ATRN: variants seen among roughly 807,000 people sequenced by gnomAD.
ATRN encodes attractin.
In ATRN, 54 loss-of-function variants were observed where a neutral mutation model predicts 178.7. The ratio of observed to expected loss-of-function variants is 0.30; its 90% CI spans 0.24 to 0.38. The LOEUF (loss-of-function observed/expected upper bound fraction) is 0.38. Among genes scored for constraint, ATRN ranks in the 10% least tolerant of loss-of-function variants. The pLI, the probability that ATRN is intolerant of heterozygous loss-of-function variation, is 1.00. For missense variants in ATRN, 1,443 were observed against 1,815.1 expected, an observed-to-expected ratio of 0.79 and a Z score of 3.73; for synonymous variants, 636 against 663.0, an observed-to-expected ratio of 0.96 and a Z score of 0.63.
chr20:3,623,601 G>A (rs2086913687), intron 24 of ATRN, among the ~76,000 whole-genome samples: 1 of 152,132 alleles, frequency 6.6e-6, no homozygotes, highest in Admixed American at 6.6e-5. Flanking sequence ...AGAATTGTCT[G>A]TACTGGGATT....
In ATRN at chr20:3,560,833, G is replaced by A. The variant is rs140498520; in HGVS notation, c.1375G>A (p.Val459Met). The change falls in exon 8 of 29, where the codon GTG becomes ATG. Residue 459 changes from valine (V) to methionine (M), a missense_variant. Around this residue, in one of 4 missense-constraint regions of ATRN, gnomAD observed 862 missense variants for 972.1 expected, o/e 0.89. Coordinates refer to ENST00000262919, the MANE Select transcript of ATRN (RefSeq NM_139321.3). ...AHIVTLKNGR[V>M]VMLVIFGHCP... ...CATTGTTACACTGAAGAATGGCCGA[G>A]TGGTCATGCTGGTCATCTTTGGTCA... 6.2e-7 allele frequency: 1 copy of A among 1,614,192 alleles called. No homozygotes were observed. Among genetic ancestry groups the A allele is most frequent in the Non-Finnish European group, 8.5e-7 (1 of 1,180,042 alleles).
At chr20:3,569,200 G>A (rs117861217) in intron 11 of ATRN, among the ~76,000 whole-genome samples, 1,992 of 152,274 alleles carry the variant, frequency 0.013, 23 homozygotes, top group Non-Finnish European at 0.021. Context: ...CTGAATGATA[G>A]GGATACATTC....
intron 18 of ATRN, among the ~76,000 whole-genome samples, chr20:3,589,200 A>T (rs541582662): frequency 9.9e-5 from 15 of 152,080 alleles, no homozygotes; most frequent in African/African-American, 3.6e-4. Flanking sequence ...GGGTTTTACC[A>T]TGTAGACCAG....
chr20:3,589,213 T>C lies in ATRN; in HGVS notation c.3185-1956T>C, dbSNP rs559679290. On this transcript the variant is annotated intron_variant, in intron 18 of 28. Coordinates refer to ENST00000262919, the MANE Select transcript of ATRN (RefSeq NM_139321.3). The stretch of plus-strand genomic sequence containing the variant: ...CAGGGTTTTACCATGTAGACCAGGA[T>C]GGTCTCGATCTCCTGACCTCGTGAT... 8.5e-5 allele frequency among the ~76,000 whole-genome samples: 13 copies of C among 152,220 alleles called. No individual in the cohort carries two copies. The East Asian group carries it at 2.5e-3, about 29-fold the overall frequency.
chr20:3,490,393 A>T, intron 1 of ATRN: 1 of 977,062 alleles, frequency 1.0e-6, no homozygotes, highest in Non-Finnish European at 1.7e-6. Context: ...CTTCCCAAAA[A>T]GTTCATTCTG....
In ATRN at chr20:3,471,472, C is replaced by G. The variant is rs1010752314; in HGVS notation, c.365C>G (p.Ala122Gly). The G allele has an allele frequency of 7.1e-7, 1 of 1,413,148 alleles. No individual in the cohort carries two copies. The highest frequency in any genetic ancestry group is 9.2e-7 in the Non-Finnish European group (1 of 1,092,344). The allele number at this position is 1,413,148 out of a possible 1,614,324, so 87.5% of individuals were successfully genotyped here. The change falls in exon 1 of 29, where the codon GCC becomes GGC. Residue 122 changes from alanine (A) to glycine (G), a missense_variant. Transcript: ENST00000262919. Reference protein sequence around the residue: ...NPGTGQCVCPAGWVGEQCQHC... With the variant: ...NPGTGQCVCPGGWVGEQCQHC... The stretch of plus-strand genomic sequence containing the variant: ...GGCACCGGCCAGTGCGTCTGCCCCG[C>G]CGGCTGGGTGGGCGAGCAATGCCAG...
At chr20:3,599,817 TA>T (rs1252546739) in intron 22 of ATRN, among the ~76,000 whole-genome samples, 7 of 152,180 alleles carry the variant, frequency 4.6e-5, no homozygotes, top group African/African-American at 1.7e-4. Flanking sequence ...TACAAATAAG[TA>T]AACACTTGAG....
chr20:3,616,020 G>T, intron 24 of ATRN: 2 of 155,276 alleles, frequency 1.3e-5, no homozygotes, highest in Non-Finnish European at 2.8e-5. Context: ...TTGTGCACAT[G>T]TACCCTAAAA....
intron 24 of ATRN, among the ~76,000 whole-genome samples, chr20:3,619,835 G>A (rs1017694297): frequency 1.3e-5 from 2 of 152,142 alleles, no homozygotes; most frequent in African/African-American, 2.4e-5. Context: ...TGACTGCTGC[G>A]CCCGATTCCC....
chr20:3,497,524 G>C (rs1199955135), intron 1 of ATRN, among the ~76,000 whole-genome samples: 1 of 152,162 alleles, frequency 6.6e-6, no homozygotes, highest in East Asian at 1.9e-4. Flanking sequence ...TTTCTGCTGA[G>C]AGATCAGCTG....
In ATRN at chr20:3,647,968, G is replaced by C. The variant is rs535774898; in HGVS notation, c.*1121G>C. 6.6e-6 allele frequency: 1 copy of C among 152,110 alleles called. No homozygotes were observed. The highest frequency in any genetic ancestry group is 2.4e-5 in the African/African-American group (1 of 41,384). 9.4% of individuals were successfully genotyped at this position (152,110 alleles called of 1,614,324 possible). On this transcript the variant is annotated 3_prime_UTR_variant, in exon 29 of 29. Coordinates refer to ENST00000262919, the MANE Select transcript of ATRN (RefSeq NM_139321.3). ...AGAGGAAAGGACTCATTCATGTCAC[G>C]CTTCCTTGAGCAGAAAAGAGCACTG...
intron 23 of ATRN, among the ~76,000 whole-genome samples, chr20:3,603,407 A>G (rs140880733): frequency 2.8e-3 from 420 of 152,148 alleles, no homozygotes; most frequent in African/African-American, 9.7e-3. Flanking sequence ...CTGTATTTTC[A>G]TGATCATGTG....
In ATRN at chr20:3,584,196, G is replaced by A. The variant is rs1294258369; in HGVS notation, c.2950+113G>A. The A allele has an allele frequency of 1.1e-5, 13 of 1,197,288 alleles. No individual in the cohort carries two copies. The East Asian group carries it at 1.4e-4, about 13-fold the overall frequency. The allele number at this position is 1,197,288 out of a possible 1,614,324, so 74.2% of individuals were successfully genotyped here. On this transcript the variant is annotated intron_variant, in intron 17 of 28. Transcript: ENST00000262919. ...ACATTTTAGAAACAAGACTGGACATGACCTCTGCTCAAACCTGACCAGAGA... is the reference window on the plus strand; with the variant it reads ...ACATTTTAGAAACAAGACTGGACATAACCTCTGCTCAAACCTGACCAGAGA...
intron 22 of ATRN, 51 bp downstream of exon 22, chr20:3,598,051 T>C (rs765122802): frequency 1.6e-6 from 2 of 1,245,734 alleles, no homozygotes; most frequent in Non-Finnish European, 2.4e-6. Flanking sequence ...TATGGATCTT[T>C]TTCTTGGTCA....
At position 3,649,083 on chromosome 20, in the gene ATRN, G is replaced by A. The variant is rs945069905; in HGVS notation, c.*2236G>A. 4 of 152,196 alleles carry A rather than the reference G, an allele frequency of 2.6e-5. No individual in the cohort carries two copies. Among genetic ancestry groups the A allele is most frequent in the African/African-American group, 9.7e-5 (4 of 41,432 alleles). 9.4% of individuals were successfully genotyped at this position (152,196 alleles called of 1,614,324 possible). ...AAGTGAAGTTTCATTCTGCTCCAGC[G>A]GTGGGGAAGCCGCTGAATCCACCTG... On this transcript the variant is annotated 3_prime_UTR_variant, in exon 29 of 29. Coordinates refer to ENST00000262919, the MANE Select transcript of ATRN (RefSeq NM_139321.3).
At chr20:3,536,590 G>A (rs548160190) in intron 2 of ATRN, among the ~76,000 whole-genome samples, 37 of 150,412 alleles carry the variant, frequency 2.5e-4, no homozygotes, top group Non-Finnish European at 5.9e-5. Flanking sequence ...TCATTTAAAA[G>A]CAACAATTAT....
At chr20:3,527,203 G>C (rs1336410247) in intron 1 of ATRN, among the ~76,000 whole-genome samples, 1 of 151,968 alleles carries the variant, frequency 6.6e-6, no homozygotes, top group African/African-American at 2.4e-5. Flanking sequence ...CTAATACCCA[G>C]AATCTACAAA....
intron 1 of ATRN, among the ~76,000 whole-genome samples, chr20:3,523,446 G>A (rs150129057): frequency 4.5e-4 from 68 of 152,284 alleles, no homozygotes; most frequent in African/African-American, 1.4e-3. Context: ...TTTGATTGGT[G>A]TACCTGAAAG....
chr20:3,517,979 C>G (rs866646325), intron 1 of ATRN, among the ~76,000 whole-genome samples: 1 of 152,184 alleles, frequency 6.6e-6, no homozygotes, highest in Non-Finnish European at 1.5e-5. Context: ...TGAAGCATTG[C>G]TACTTATCTA....
Sources: gnomAD v4.1 joint callset for allele counts (sites outside exome capture counted in the v4.1 genomes callset) on GRCh38, gnomAD v4.1.1 for gene constraint, gnomAD v4.1.1 regional missense constraint, MANE v1.5 for transcripts, NCBI Gene and HGNC (gene_info 2026-07-23, HGNC 2026-07-21) for gene names.